BSN: variants seen among roughly 807,000 people sequenced by gnomAD.
BSN encodes protein bassoon.
Under a neutral mutation model 264.8 loss-of-function variants are expected in BSN, and 57 were observed. The ratio of observed to expected loss-of-function variants is 0.22; its 90% CI spans 0.17 to 0.27. BSN has a LOEUF of 0.27. Ranked by LOEUF, BSN falls within the 10% of genes least tolerant of loss-of-function variation. The pLI is 1.00. For missense variants in BSN, 4,615 were observed against 5,232.5 expected, an observed-to-expected ratio of 0.88 and a Z score of 3.64; for synonymous variants, 2,059 against 2,137.3, an observed-to-expected ratio of 0.96 and a Z score of 1.01.
chr3:49,658,528 T>C (rs2052630131), intron 5 of BSN, among the ~76,000 whole-genome samples: 1 of 152,118 alleles, frequency 6.6e-6, no homozygotes, highest in African/African-American at 2.4e-5. Flanking sequence ...CCTCTTCAGC[T>C]CTCACTTCTA....
rs1448897502 is a variant in BSN at position 49,663,057 on chromosome 3, G to T, written c.10899G>T (p.Glu3633Asp). 6.2e-7 allele frequency: 1 copy of T among 1,613,208 alleles called. No individual in the cohort carries two copies. Among genetic ancestry groups the T allele is most frequent in the South Asian group, 1.1e-5 (1 of 91,082 alleles). The change falls in exon 7 of 12, where the codon GAG becomes GAT. Residue 3633 changes from glutamate (E) to aspartate (D), a missense_variant. Around this residue, in one of 3 missense-constraint regions of BSN, gnomAD observed 3,415 missense variants for 3,866.4 expected, o/e 0.88. Coordinates refer to ENST00000296452, the MANE Select transcript of BSN (RefSeq NM_003458.4). ...PPEEGLWPHDEGGPGRHASAK... is the reference protein window; with the variant it reads ...PPEEGLWPHDDGGPGRHASAK... ...AGGAGGGCCTGTGGCCTCATGATGAGGGTGGCCCAGGCCGCCATGCCTCAG... is the reference window on the plus strand; with the variant it reads ...AGGAGGGCCTGTGGCCTCATGATGATGGTGGCCCAGGCCGCCATGCCTCAG...
chr3:49,625,442 G>T lies in BSN; in HGVS notation c.633+59G>T. 1 of 1,386,180 alleles carries T rather than the reference G, an allele frequency of 7.2e-7. No individual in the cohort carries two copies. Among genetic ancestry groups the T allele is most frequent in the Non-Finnish European group, 9.4e-7 (1 of 1,064,538 alleles). 85.9% of individuals were successfully genotyped at this position (1,386,180 alleles called of 1,614,324 possible). ...GCTACCTCATTACCATACCTCCCCT[G>T]GTTCCCTTCCCCTCTTTCACCAACT... On this transcript the variant is annotated intron_variant, in intron 2 of 11. Transcript: ENST00000296452. This position sits in a 1 kb window ranked among gnomAD's most constrained non-coding sequence, Gnocchi z 4.4.
rs1283552688 is a variant in BSN, at chr3:49,642,071, C to T, written c.634-197C>T. On this transcript the variant is annotated intron_variant, in intron 2 of 11. Transcript: ENST00000296452. The surrounding 1 kb of genome is among the most constrained non-coding windows in gnomAD (Gnocchi z 7.0). ...GGACTGCCTCCACTGCCTCACATGC[C>T]TGGCAACTCCTAGAGGGCAGGGGAG... Among the ~76,000 whole-genome samples, 1 of 152,136 alleles carries T rather than the reference C, an allele frequency of 6.6e-6. No individual in the cohort carries two copies.
chr3:49,666,249 C>T (rs2052713149), intron 11 of BSN, among the ~76,000 whole-genome samples: 1 of 152,218 alleles, frequency 6.6e-6, no homozygotes, highest in African/African-American at 2.4e-5. Context: ...AGATGCTGGG[C>T]CCGGGCCAGC....
chr3:49,642,810 C>G lies in BSN; in HGVS notation c.1176C>G (p.Ser392Arg). The change falls in exon 3 of 12, where the codon AGC becomes AGG. Residue 392 changes from serine to arginine, a missense_variant. Ser to Arg is a moderately radical substitution (Grantham distance 110, BLOSUM62 -1). Transcript: ENST00000296452. The surrounding 1 kb of genome is among the most constrained non-coding windows in gnomAD (Gnocchi z 7.0). ...GTPKIVFNDA[S>R]KEAGPKPLGS... Reference sequence around the variant, plus strand: ...CTAAGATCGTCTTCAATGATGCCAGCAAGGAGGCTGGCCCAAAACCCTTGG... The same window carrying G: ...CTAAGATCGTCTTCAATGATGCCAGGAAGGAGGCTGGCCCAAAACCCTTGG... The G allele has an allele frequency of 1.2e-6, 2 of 1,613,162 alleles. No individual in the cohort carries two copies. The highest frequency in any genetic ancestry group is 1.7e-6 in the Non-Finnish European group (2 of 1,179,768).
intron 1 of BSN, among the ~76,000 whole-genome samples, chr3:49,617,293 A>ATATATATG (rs2052267845): frequency 1.3e-4 from 1 of 7,426 alleles, no homozygotes; most frequent in Non-Finnish European, 5.4e-4. Context: ...TTATATATAT[A>ATATATATG]TATATATATA....
Position 49,651,083 on chromosome 3 carries a change from A to G in BSN, c.1986+4A>G. On this transcript the variant is annotated splice_donor_region_variant and intron_variant, in intron 4 of 11. Transcript: ENST00000296452. This position sits in a 1 kb window ranked among gnomAD's most constrained non-coding sequence, Gnocchi z 5.4. ...CCCCAAGGGTGGGGAGGCGGAGGTC[A>G]GTCCCATTCACTTCCCAGAGACCCT... The G allele has an allele frequency of 1.3e-6, 2 of 1,597,930 alleles. No homozygotes were observed. Among genetic ancestry groups the G allele is most frequent in the East Asian group, 4.5e-5 (2 of 44,820 alleles).
At chr3:49,629,330 G>A (rs1233444965) in intron 2 of BSN, among the ~76,000 whole-genome samples, 2 of 152,248 alleles carry the variant, frequency 1.3e-5, no homozygotes, top group African/African-American at 2.4e-5. Flanking sequence ...TGCACCAGAA[G>A]GGTGGCCCGT....
intron 2 of BSN, among the ~76,000 whole-genome samples, chr3:49,637,468 C>T (rs1300597144): frequency 3.3e-5 from 5 of 152,172 alleles, no homozygotes; most frequent in African/African-American, 1.2e-4. Context: ...GAACTGCCCT[C>T]CTTGCTCCAG....
At chr3:49,623,464 G>T (rs1278090222) in intron 1 of BSN, among the ~76,000 whole-genome samples, 3 of 152,358 alleles carry the variant, frequency 2.0e-5, no homozygotes, top group African/African-American at 7.2e-5. Flanking sequence ...AAAGGAGAAG[G>T]AATATATGAT....
chr3:49,642,191 G>T lies in BSN; in HGVS notation c.634-77G>T, dbSNP rs2052468767. 2.5e-6 allele frequency: 3 copies of T among 1,220,938 alleles called. No individual in the cohort carries two copies. Among genetic ancestry groups the T allele is most frequent in the Non-Finnish European group, 3.3e-6 (3 of 912,722 alleles). The allele number at this position is 1,220,938 out of a possible 1,614,324, so 75.6% of individuals were successfully genotyped here. Reference sequence around the variant, plus strand: ...TGTGCTAGGAGTGGCCTTGGCTGCTGTGGGGCCTGCACTGACCTGGGCCAT... The same window carrying T: ...TGTGCTAGGAGTGGCCTTGGCTGCTTTGGGGCCTGCACTGACCTGGGCCAT... On this transcript the variant is annotated intron_variant, in intron 2 of 11. Transcript: ENST00000296452. This position sits in a 1 kb window ranked among gnomAD's most constrained non-coding sequence, Gnocchi z 7.0.
At chr3:49,581,553 T>C (rs1290747348) in intron 1 of BSN, among the ~76,000 whole-genome samples, 1 of 152,204 alleles carries the variant, frequency 6.6e-6, no homozygotes, top group African/African-American at 2.4e-5. Flanking sequence ...AGGCTGGGCA[T>C]GGTGGCTTAC....
intron 1 of BSN, among the ~76,000 whole-genome samples, chr3:49,567,951 T>G (rs547078862): frequency 6.6e-6 from 1 of 152,298 alleles, no homozygotes; most frequent in South Asian, 2.1e-4. Flanking sequence ...ATATGATTTC[T>G]CCATGTGGGC....
chr3:49,654,182 G>A lies in BSN; in HGVS notation c.4626G>A (p.Thr1542=), dbSNP rs747619663. The A allele has an allele frequency of 5.6e-6, 9 of 1,613,880 alleles. No homozygotes were observed. Among genetic ancestry groups the A allele is most frequent in the Admixed American group, 3.3e-5 (2 of 60,002 alleles). ...QGTQTPHRPS[T]PRLVWQESSQ... is the part of the protein sequence containing the mutation. ...CACAAACACCACATCGACCCAGCAC[G>A]CCTCGCCTGGTGTGGCAGGAGTCCT... Residue 1542 remains threonine, a synonymous_variant, in exon 5 of 12, where the codon ACG becomes ACA. Transcript: ENST00000296452. The surrounding 1 kb of genome is among the most constrained non-coding windows in gnomAD (Gnocchi z 4.1).
Position 49,656,652 on chromosome 3 carries a change from C to A in BSN, c.7096C>A (p.Arg2366=), listed in dbSNP as rs752861640. The change falls in exon 5 of 12, where the codon CGG becomes AGG. Residue 2366 remains arginine (R), a synonymous_variant. Coordinates refer to ENST00000296452, the MANE Select transcript of BSN (RefSeq NM_003458.4). ...KEEASQEERQ[R]KQQEQLLQLE... is the part of the protein sequence containing the mutation. ...GGAAGCATCACAGGAGGAGAGGCAG[C>A]GGAAGCAACAGGAGCAGCTGCTCCA... The A allele has an allele frequency of 6.2e-7, 1 of 1,608,180 alleles. No homozygotes were observed. The highest frequency in any genetic ancestry group is 8.5e-7 in the Non-Finnish European group (1 of 1,177,498).
At chr3:49,593,737 C>T in intron 1 of BSN, among the ~76,000 whole-genome samples, 1 of 144,138 alleles carries the variant, frequency 6.9e-6, no homozygotes, top group African/African-American at 2.6e-5. Flanking sequence ...TTTTTTTCTT[C>T]TGTTGAGTTT....
At chr3:49,583,786 G>A (rs562715673) in intron 1 of BSN, among the ~76,000 whole-genome samples, 1 of 152,240 alleles carries the variant, frequency 6.6e-6, no homozygotes, top group Non-Finnish European at 1.5e-5. Context: ...AGTTTTGATA[G>A]TTTGCATCTT....
chr3:49,649,268 T>C (rs983842573), intron 3 of BSN, among the ~76,000 whole-genome samples: 6 of 152,336 alleles, frequency 3.9e-5, no homozygotes, highest in African/African-American at 1.4e-4. Context: ...TTTCCAGTCC[T>C]CTGGCTCTGT....
chr3:49,567,369 C>A (rs1190365778), intron 1 of BSN, among the ~76,000 whole-genome samples: 1 of 152,330 alleles, frequency 6.6e-6, no homozygotes, highest in African/African-American at 2.4e-5. Flanking sequence ...TTGTTACCGT[C>A]ATTCTGCACA....
Sources: allele counts gnomAD v4.1 joint callset (sites outside exome capture counted in the v4.1 genomes callset), GRCh38; gene constraint gnomAD v4.1.1; regional missense constraint gnomAD v4.1.1; non-coding constraint Gnocchi (gnomAD v3.1); transcripts MANE v1.5; gene names NCBI Gene and HGNC (gene_info 2026-07-23, HGNC 2026-07-21).